Variants in COL23A1 observed in about 807,000 individuals in gnomAD.
The protein encoded by COL23A1 is collagen type XXIII alpha 1 chain.
A neutral mutation model predicts 99.3 loss-of-function variants in COL23A1; 97 were observed. The ratio of observed to expected loss-of-function variants is 0.98; its 90% CI spans 0.83 to 1.16. The LOEUF (loss-of-function observed/expected upper bound fraction) is 1.16. Among genes scored for constraint, COL23A1 ranks in the 50% most tolerant of loss-of-function variants. COL23A1 has a pLI of 0.00. For synonymous variants in COL23A1, 320 were observed against 308.2 expected, an observed-to-expected ratio of 1.04 and a Z score of -0.40; for missense variants, 762 against 757.4, an observed-to-expected ratio of 1.01 and a Z score of -0.07.
At position 178,308,777 on chromosome 5, in the gene COL23A1, G is replaced by A. The variant is rs1381215936; in HGVS notation, c.362-1858C>T. ...CCAGAGCCAGTCACACCGGATGACT[G>A]GCCCTGGTTATTAACTAAGCCCCAG... On this transcript the variant is annotated intron_variant, in intron 2 of 28. Coordinates refer to ENST00000390654, the MANE Select transcript of COL23A1 (RefSeq NM_173465.4). The surrounding 1 kb of genome is among the most constrained non-coding windows in gnomAD (Gnocchi z 5.1). Among the ~76,000 whole-genome samples, 2 of 152,008 alleles carry A rather than the reference G, an allele frequency of 1.3e-5. No homozygotes were observed. The highest frequency in any genetic ancestry group is 2.1e-4 in the South Asian group (1 of 4,814).
At chr5:178,574,677 A>C (rs262058) in intron 1 of COL23A1, among the ~76,000 whole-genome samples, 2,565 of 152,360 alleles carry the variant, frequency 0.017, 82 homozygotes, top group African/African-American at 0.059. Context: ...AGGGTGGCTC[A>C]AAAATACAGC....
intron 2 of COL23A1, among the ~76,000 whole-genome samples, chr5:178,319,261 C>T (rs544675539): frequency 3.9e-5 from 6 of 152,276 alleles, no homozygotes; most frequent in African/African-American, 1.2e-4. Flanking sequence ...TCCAGAGAGG[C>T]GCATGTAAAC....
intron 2 of COL23A1, chr5:178,523,824 T>C (rs117877766): frequency 6.6e-6 from 1 of 152,328 alleles, no homozygotes; most frequent in East Asian, 1.9e-4. Flanking sequence ...CAAGAATCAC[T>C]GCTGGGACGC....
intron 4 of COL23A1, among the ~76,000 whole-genome samples, chr5:178,289,037 C>T (rs949069083): frequency 6.6e-5 from 10 of 152,112 alleles, no homozygotes; most frequent in East Asian, 1.9e-4. Context: ...AGTTCACACA[C>T]GCTAGCCTCC....
chr5:178,457,499 A>G (rs2546630), intron 2 of COL23A1, among the ~76,000 whole-genome samples: 54,715 of 152,098 alleles, frequency 0.36, 10,730 homozygotes, highest in African/African-American at 0.5. Flanking sequence ...ACAGGCACGA[A>G]CCACTACGCC....
At chr5:178,462,295 G>C (rs936417188) in intron 2 of COL23A1, among the ~76,000 whole-genome samples, 1 of 152,170 alleles carries the variant, frequency 6.6e-6, no homozygotes, top group African/African-American at 2.4e-5. Flanking sequence ...AAAAGCAGCT[G>C]AGGCATTTAC....
chr5:178,522,396 C>T (rs1391415527), intron 2 of COL23A1, among the ~76,000 whole-genome samples: 1 of 152,188 alleles, frequency 6.6e-6, no homozygotes, highest in Non-Finnish European at 1.5e-5. Flanking sequence ...GCACAGACAT[C>T]ACAGCAACAG....
intron 6 of COL23A1, among the ~76,000 whole-genome samples, 188 bp downstream of exon 6, chr5:178,270,149 G>C (rs1756203593): frequency 1.3e-5 from 2 of 152,198 alleles, no homozygotes; most frequent in South Asian, 4.1e-4. Context: ...AGGTTAAGGA[G>C]GCCTCCCTTG....
At chr5:178,354,928 T>G (rs927277440) in intron 2 of COL23A1, among the ~76,000 whole-genome samples, 4 of 152,040 alleles carry the variant, frequency 2.6e-5, no homozygotes, top group South Asian at 2.1e-4. Context: ...CATGGTGGTG[T>G]GAGCCTGTGG....
intron 2 of COL23A1, among the ~76,000 whole-genome samples, chr5:178,332,836 T>C (rs2973685): frequency 0.51 from 76,703 of 151,198 alleles, 20,364 homozygotes; most frequent in East Asian, 0.9. Flanking sequence ...CTAGAGGGAG[T>C]GGCTCCTAGA....
chr5:178,324,626 A>T (rs1461659522), intron 2 of COL23A1, among the ~76,000 whole-genome samples: 1 of 152,182 alleles, frequency 6.6e-6, no homozygotes, highest in African/African-American at 2.4e-5. Context: ...AGGGAGGGCG[A>T]GTCACTGGCC....
At chr5:178,268,182 C>T (rs147005776) in intron 7 of COL23A1, among the ~76,000 whole-genome samples, 83 of 152,298 alleles carry the variant, frequency 5.4e-4, no homozygotes, top group African/African-American at 1.9e-3. Flanking sequence ...CCCGGCTGGC[C>T]CTGGCACACC....
intron 2 of COL23A1, among the ~76,000 whole-genome samples, chr5:178,338,270 G>A (rs1018149056): frequency 5.3e-5 from 8 of 152,166 alleles, no homozygotes; most frequent in African/African-American, 1.9e-4. Context: ...AGAGAGGGAC[G>A]GTGTCAGTCT....
chr5:178,443,099 C>T (rs964874108), intron 2 of COL23A1: 1 of 152,384 alleles, frequency 6.6e-6, no homozygotes, highest in Admixed American at 6.5e-5. Flanking sequence ...GGCCTGCAGT[C>T]CTCAGTGGGA....
At chr5:178,292,177 C>G (rs1757496810) in intron 3 of COL23A1, among the ~76,000 whole-genome samples, 1 of 152,094 alleles carries the variant, frequency 6.6e-6, no homozygotes, top group Non-Finnish European at 1.5e-5. Flanking sequence ...GCCTTTCCAC[C>G]TGCCCCTCCT....
rs913076152 is a variant in COL23A1 at position 178,384,998 on chromosome 5, G to A, written c.362-78079C>T. On this transcript the variant is annotated intron_variant, in intron 2 of 28. Transcript: ENST00000390654. The surrounding 1 kb of genome is among the most constrained non-coding windows in gnomAD (Gnocchi z 5.5). ...CACTGGGCTGCCCAGCCCACTCCACGCCGGGGGCTCTGTCCCTAGAGCCTG... is the reference window on the plus strand; with the variant it reads ...CACTGGGCTGCCCAGCCCACTCCACACCGGGGGCTCTGTCCCTAGAGCCTG... 2.0e-5 allele frequency among the ~76,000 whole-genome samples: 3 copies of A among 152,164 alleles called. No homozygotes were observed. The highest frequency in any genetic ancestry group is 7.2e-5 in the African/African-American group (3 of 41,448).
intron 2 of COL23A1, among the ~76,000 whole-genome samples, chr5:178,501,279 C>A (rs746860318): frequency 1.4e-4 from 21 of 152,078 alleles, no homozygotes; most frequent in Non-Finnish European, 3.1e-4. Context: ...CTAAAAGGCA[C>A]AGACCAAAAA....
Position 178,486,255 on chromosome 5 carries a change from C to T in COL23A1, c.361+74427G>A, listed in dbSNP as rs118151405. Among the ~76,000 whole-genome samples, 64 of 152,276 alleles carry T rather than the reference C, an allele frequency of 4.2e-4. No homozygotes were observed. In the East Asian group the frequency reaches 0.012, roughly 28 times the overall value. On this transcript the variant is annotated intron_variant, in intron 2 of 28. Coordinates refer to ENST00000390654, the MANE Select transcript of COL23A1 (RefSeq NM_173465.4). ...GATTCAGGCAGCTGCAGAATGAGGA[C>T]GGTTGTCAGTGGGTGACGTGTTCAA...
At chr5:178,539,836 T>C (rs1191934838) in intron 2 of COL23A1, among the ~76,000 whole-genome samples, 1 of 152,194 alleles carries the variant, frequency 6.6e-6, no homozygotes, top group African/African-American at 2.4e-5. Context: ...TTAGACCATC[T>C]TTCTATAAAG....
Sources: gnomAD v4.1 joint callset for allele counts (sites outside exome capture counted in the v4.1 genomes callset) on GRCh38, gnomAD v4.1.1 for gene constraint, Gnocchi (gnomAD v3.1) non-coding constraint, MANE v1.5 for transcripts, NCBI Gene and HGNC (gene_info 2026-07-23, HGNC 2026-07-21) for gene names.